EGFLAM: variants seen among roughly 807,000 people sequenced by gnomAD.
EGFLAM encodes pikachurin.
In EGFLAM, 79 loss-of-function variants were observed where a neutral mutation model predicts 113.1. That is an observed-to-expected ratio of 0.70 (90% CI 0.58 to 0.84). The LOEUF is 0.84. Ranked by LOEUF, EGFLAM falls within the 40% of genes least tolerant of loss-of-function variation. The pLI is 0.00. For synonymous variants in EGFLAM, 504 were observed against 487.6 expected (o/e 1.03, Z -0.44); for missense variants, 1,265 against 1,291.6 (o/e 0.98, Z 0.32).
chr5:38,407,724 C>T, intron 8 of EGFLAM, 81 bp from the exon 9 acceptor site: 6 of 1,021,914 alleles, frequency 5.9e-6, no homozygotes, highest in Non-Finnish European at 9.0e-6. Flanking sequence ...TAATGATATT[C>T]AGGCAACGTT....
chr5:38,290,583 A>C (rs557110683), intron 1 of EGFLAM: 1 of 152,164 alleles, frequency 6.6e-6, no homozygotes, highest in Non-Finnish European at 1.5e-5. Flanking sequence ...TAACCAAAAA[A>C]AAAATGGATT....
At chr5:38,269,614 C>T (rs993068121) in intron 1 of EGFLAM, among the ~76,000 whole-genome samples, 3 of 151,848 alleles carry the variant, frequency 2.0e-5, no homozygotes, top group African/African-American at 7.3e-5. Context: ...CTCAGCCTCC[C>T]GAGTAGCTGG....
At position 38,350,611 on chromosome 5, in the gene EGFLAM, G is replaced by A. The variant is rs199697245; in HGVS notation, c.402G>A (p.Leu134=). 3 of 1,613,458 alleles carry A rather than the reference G, an allele frequency of 1.9e-6. No homozygotes were observed. Among genetic ancestry groups the A allele is most frequent in the Non-Finnish European group, 2.5e-6 (3 of 1,179,842 alleles). Residue 134 remains leucine, a synonymous_variant, in exon 4 of 22, where the codon TTG becomes TTA. Coordinates refer to ENST00000322350, the MANE Select transcript of EGFLAM (RefSeq NM_152403.4). ...GCTCTCCTCGGCATGTCACCACTTT[G>A]TCCCAAGGTAAAGTAGGTTCAAATT... is the stretch of plus-strand genomic sequence containing the variant. The part of the protein sequence containing the change: ...RLSSPRHVTT[L]SQDSCLPPAA...
intron 7 of EGFLAM, 85 bp downstream of exon 7, chr5:38,406,326 T>A: frequency 8.2e-7 from 1 of 1,215,790 alleles, no homozygotes; most frequent in African/African-American, 1.5e-5. Context: ...CCATAAACAT[T>A]TTACTTAAAA....
chr5:38,284,511 T>C (rs1053607761), intron 1 of EGFLAM, among the ~76,000 whole-genome samples: 1 of 152,220 alleles, frequency 6.6e-6, no homozygotes, highest in Admixed American at 6.5e-5. Flanking sequence ...ATGTGGTCCA[T>C]GGGCTGTGGT....
Position 38,371,324 on chromosome 5 carries a change from T to C in EGFLAM, c.712+862T>C, listed in dbSNP as rs371721051. On this transcript the variant is annotated intron_variant, in intron 6 of 21. Transcript: ENST00000322350. The stretch of plus-strand genomic sequence containing the variant: ...GGTCCTCTTTACCCAGAAAATGTGC[T>C]GTCAGAAAGGAAGCAGCACTGGTAA... 9.2e-5 allele frequency among the ~76,000 whole-genome samples: 14 copies of C among 152,300 alleles called. 1 individual carries two copies. The highest frequency in any genetic ancestry group is 6.5e-4 in the Admixed American group (10 of 15,304).
intron 1 of EGFLAM, among the ~76,000 whole-genome samples, chr5:38,294,801 T>A (rs1368584050): frequency 6.6e-6 from 1 of 151,742 alleles, no homozygotes; most frequent in Non-Finnish European, 1.5e-5. Context: ...AAATCTACCT[T>A]GATTTATTTT....
chr5:38,267,060 A>G (rs578117773), intron 1 of EGFLAM, among the ~76,000 whole-genome samples: 9 of 152,348 alleles, frequency 5.9e-5, no homozygotes, highest in African/African-American at 2.2e-4. Flanking sequence ...AACAATAGTC[A>G]TAGTAATTAT....
intron 19 of EGFLAM, among the ~76,000 whole-genome samples, chr5:38,453,220 G>T (rs1742978389): frequency 6.6e-6 from 1 of 152,098 alleles, no homozygotes; most frequent in Non-Finnish European, 1.5e-5. Context: ...GTTCCATGGG[G>T]GAACTCATTT....
intron 1 of EGFLAM, among the ~76,000 whole-genome samples, chr5:38,322,128 C>T (rs1378236475): frequency 6.6e-6 from 1 of 152,182 alleles, no homozygotes; most frequent in Non-Finnish European, 1.5e-5. Context: ...TTCATATGCA[C>T]ACGCATGGAC....
intron 1 of EGFLAM, among the ~76,000 whole-genome samples, chr5:38,298,771 G>C (rs946224424): frequency 1.3e-5 from 2 of 151,914 alleles, no homozygotes; most frequent in Non-Finnish European, 2.9e-5. Flanking sequence ...TGTAATCATG[G>C]CTCACTGTAG....
At chr5:38,427,412 G>A in intron 14 of EGFLAM, 160 bp downstream of exon 14, 2 of 1,247,596 alleles carry the variant, frequency 1.6e-6, no homozygotes, top group South Asian at 1.5e-5. Context: ...TCAGGCAGAT[G>A]ACAGGCTTCC....
chr5:38,386,477 G>A (rs928807191), intron 6 of EGFLAM, among the ~76,000 whole-genome samples: 24 of 152,168 alleles, frequency 1.6e-4, no homozygotes, highest in African/African-American at 5.8e-4. Context: ...ACAGGCGTGA[G>A]CCACTGCGCC....
rs773851057 is a variant in EGFLAM, at chr5:38,448,292, C to G, written c.2465-9C>G. 45 of 1,613,914 alleles carry G rather than the reference C, an allele frequency of 2.8e-5. No individual in the cohort carries two copies. Among genetic ancestry groups the G allele is most frequent in the Non-Finnish European group, 3.6e-5 (42 of 1,179,996 alleles). ...TACTATGTAACCTCCTTTTTCTGTT[C>G]TGTCCCAGCGATCATAGAAGCCATT... On this transcript the variant is annotated splice_polypyrimidine_tract_variant and intron_variant, in intron 17 of 21. Coordinates refer to ENST00000322350, the MANE Select transcript of EGFLAM (RefSeq NM_152403.4).
chr5:38,352,751 C>A (rs996503907), intron 5 of EGFLAM, among the ~76,000 whole-genome samples: 1 of 151,850 alleles, frequency 6.6e-6, no homozygotes, highest in Non-Finnish European at 1.5e-5. Context: ...TATTTAAGAG[C>A]GAACAGAGGC....
intron 5 of EGFLAM, among the ~76,000 whole-genome samples, chr5:38,355,887 A>C (rs979629617): frequency 7.2e-5 from 11 of 152,044 alleles, no homozygotes; most frequent in Admixed American, 5.2e-4. Flanking sequence ...CAGCCTCCCG[A>C]GTAGCTGGGG....
chr5:38,444,415 T>C (rs1579940578), intron 17 of EGFLAM, among the ~76,000 whole-genome samples: 1 of 152,266 alleles, frequency 6.6e-6, no homozygotes, highest in East Asian at 1.9e-4. Flanking sequence ...AGGATGACTA[T>C]AGTTAACAAT....
chr5:38,406,006 G>T (rs951916561), intron 6 of EGFLAM, 120 bp from the exon 7 acceptor site: 2 of 798,564 alleles, frequency 2.5e-6, no homozygotes, highest in Non-Finnish European at 2.2e-6. Context: ...TGAATTCATT[G>T]TTATGTTTCC....
intron 17 of EGFLAM, among the ~76,000 whole-genome samples, chr5:38,446,879 G>A (rs2731977): frequency 0.023 from 3,482 of 152,098 alleles, 122 homozygotes; most frequent in African/African-American, 0.081. Flanking sequence ...TAATCTGTAC[G>A]AATTTTCATA....
Sources: allele counts gnomAD v4.1 joint callset (sites outside exome capture counted in the v4.1 genomes callset), GRCh38; gene constraint gnomAD v4.1.1; transcripts MANE v1.5; gene names NCBI Gene and HGNC (gene_info 2026-07-23, HGNC 2026-07-21).